ZC3H12B: variants seen among roughly 807,000 people sequenced by gnomAD.
The protein encoded by ZC3H12B is probable ribonuclease ZC3H12B.
Under a neutral mutation model 43.9 loss-of-function variants are expected in ZC3H12B, and 7 were observed. The ratio of observed to expected loss-of-function variants is 0.16; its 90% CI spans 0.09 to 0.30. The LOEUF is 0.30. ZC3H12B is among the 10% of genes least tolerant of loss of function. The pLI, the probability that ZC3H12B is intolerant of heterozygous loss-of-function variation, is 1.00. For synonymous variants in ZC3H12B, 222 were observed against 241.7 expected (o/e 0.92, Z 0.76); for missense variants, 475 against 670.2 (o/e 0.71, Z 3.22).
the ZC3H12B span, among the ~76,000 whole-genome samples, chrX:65,074,270 G>GT: frequency 7.4e-3 from 787 of 106,172 alleles, 8 homozygotes; most frequent in African/African-American, 0.023. Context: ...TAGTTAACAG[G>GT]TTTTTTTTTT....
the ZC3H12B span, among the ~76,000 whole-genome samples, chrX:65,227,928 A>T: frequency 8.9e-6 from 1 of 111,842 alleles, no homozygotes; most frequent in Non-Finnish European, 1.9e-5. Flanking sequence ...GACCAGATGG[A>T]TTCACAGCCG....
the ZC3H12B span, among the ~76,000 whole-genome samples, chrX:65,174,791 G>A: frequency 8.9e-6 from 1 of 111,912 alleles, no homozygotes; most frequent in African/African-American, 3.2e-5. Flanking sequence ...CAAGCCAGTG[G>A]TTCTTAGCTT....
the ZC3H12B span, among the ~76,000 whole-genome samples, chrX:65,141,236 G>A: frequency 6.7e-4 from 74 of 109,663 alleles, no homozygotes; most frequent in Non-Finnish European, 9.3e-4. Flanking sequence ...CGTAAGTTTT[G>A]GTATGTTGCA....
At chrX:65,295,594 A>G in the ZC3H12B span, among the ~76,000 whole-genome samples, 4 of 111,759 alleles carry the variant, frequency 3.6e-5, no homozygotes, top group Non-Finnish European at 7.5e-5. Context: ...AAACAAAAAA[A>G]GGACAAAAGA....
At chrX:65,200,298 G>GT in the ZC3H12B span, among the ~76,000 whole-genome samples, 1 of 110,565 alleles carries the variant, frequency 9.0e-6, no homozygotes, top group Non-Finnish European at 1.9e-5. Flanking sequence ...TCTCAATGGG[G>GT]TTTTTTTCTT....
the ZC3H12B span, among the ~76,000 whole-genome samples, chrX:65,123,409 G>T: frequency 9.0e-6 from 1 of 111,068 alleles, no homozygotes; most frequent in Non-Finnish European, 1.9e-5. Flanking sequence ...GTGTGTCTCT[G>T]CCAGGCTTTG....
chrX:65,304,629 A>C, the ZC3H12B span, among the ~76,000 whole-genome samples: 1 of 107,792 alleles, frequency 9.3e-6, no homozygotes, highest in Non-Finnish European at 1.9e-5. Flanking sequence ...AAAAAAAAAA[A>C]CAAAAAACAA....
At chrX:65,141,976 C>T in the ZC3H12B span, among the ~76,000 whole-genome samples, 5 of 112,128 alleles carry the variant, frequency 4.5e-5, no homozygotes, top group Non-Finnish European at 9.4e-5. Flanking sequence ...TAAACATGCA[C>T]GTGCAACCAA....
intron 2 of ZC3H12B, among the ~76,000 whole-genome samples, chrX:65,377,676 CAT>C (rs1205666803): frequency 9.0e-6 from 1 of 111,558 alleles, no homozygotes; most frequent in Admixed American, 9.6e-5. Context: ...ATTCTTCAAA[CAT>C]AATGAAGAAA....
At chrX:65,215,301 C>T in the ZC3H12B span, among the ~76,000 whole-genome samples, 1 of 111,610 alleles carries the variant, frequency 9.0e-6, no homozygotes, top group Non-Finnish European at 1.9e-5. Flanking sequence ...TGAAAGTCGT[C>T]GATGGCAGCT....
At position 65,414,486 on chromosome X, in the gene ZC3H12B, A is replaced by T. The variant is rs752136864; in HGVS notation, n.407+15782A>T. On this transcript the variant is annotated intron_variant and non_coding_transcript_variant, in intron 3 of 5. Transcript: ENST00000617377. ...TTCTGTTTGTTATAAAATGTATAGA[A>T]CTATCTATTTCTATCGATTCTGTCA... 2.0e-4 allele frequency among the ~76,000 whole-genome samples: 22 copies of T among 111,264 alleles called. No homozygotes were observed. In the South Asian group the frequency reaches 8.5e-3, roughly 43 times the overall value.
chrX:65,436,296 G>A (rs1298177614), intron 3 of ZC3H12B, among the ~76,000 whole-genome samples: 8 of 112,204 alleles, frequency 7.1e-5, no homozygotes, highest in South Asian at 3.7e-4. Flanking sequence ...ACTCAACATG[G>A]GATTTTGGTG....
At chrX:65,064,839 A>G in the ZC3H12B span, among the ~76,000 whole-genome samples, 1 of 111,934 alleles carries the variant, frequency 8.9e-6, no homozygotes, top group African/African-American at 3.2e-5. Flanking sequence ...TATTGGGTGC[A>G]TATATATTTA....
At chrX:65,501,875 C>T (rs2068371413) in exon 5 of ZC3H12B, 3 of 1,207,361 alleles carry the variant, frequency 2.5e-6, no homozygotes, top group Non-Finnish European at 3.4e-6. Context: ...TGATGAGCTC[C>T]GCATCAGTGC....
the ZC3H12B span, among the ~76,000 whole-genome samples, chrX:65,182,602 A>G: frequency 9.1e-6 from 1 of 110,380 alleles, no homozygotes; most frequent in Non-Finnish European, 1.9e-5. Context: ...GAGCTTCTGC[A>G]CAGCAAAGAA....
chrX:65,093,682 G>A, the ZC3H12B span, among the ~76,000 whole-genome samples: 34 of 112,202 alleles, frequency 3.0e-4, no homozygotes, highest in African/African-American at 9.7e-4. Context: ...TTTTGGAATA[G>A]GGATATATTT....
chrX:65,383,633 C>T (rs1219321183), intron 2 of ZC3H12B, among the ~76,000 whole-genome samples: 3 of 110,826 alleles, frequency 2.7e-5, no homozygotes, highest in South Asian at 3.8e-4. Context: ...AGCTTCTGCA[C>T]AGCAAAAGAA....
chrX:65,403,441 A>G (rs1469471551), intron 3 of ZC3H12B, among the ~76,000 whole-genome samples: 2 of 111,915 alleles, frequency 1.8e-5, no homozygotes, highest in East Asian at 2.8e-4. Context: ...ATATTTTCAA[A>G]CCTAGAGAAA....
At chrX:65,163,062 G>A in the ZC3H12B span, among the ~76,000 whole-genome samples, 1 of 111,748 alleles carries the variant, frequency 8.9e-6, no homozygotes, top group Admixed American at 9.5e-5. Context: ...GGAGTCAGCA[G>A]TGGTGGCTGC....
Sources: gnomAD v4.1 joint callset for allele counts (sites outside exome capture counted in the v4.1 genomes callset) on GRCh38, gnomAD v4.1.1 for gene constraint, MANE v1.5 for transcripts, NCBI Gene and HGNC (gene_info 2026-07-23, HGNC 2026-07-21) for gene names.